Variants in PCDH9 observed in about 807,000 individuals in gnomAD.
PCDH9 encodes protocadherin-9.
Under a neutral mutation model 70.6 loss-of-function variants are expected in PCDH9, and 24 were observed. That is an observed-to-expected ratio of 0.34 (90% CI 0.25 to 0.48). The LOEUF is 0.48. PCDH9 is among the 20% of genes least tolerant of loss of function. PCDH9 has a pLI of 0.99. For missense variants in PCDH9, 1,281 were observed against 1,503.6 expected, an observed-to-expected ratio of 0.85 and a Z score of 2.45; for synonymous variants, 562 against 558.5, an observed-to-expected ratio of 1.01 and a Z score of -0.09.
At chr13:66,816,430 CT>C (rs920454762) in intron 3 of PCDH9, among the ~76,000 whole-genome samples, 3 of 151,952 alleles carry the variant, frequency 2.0e-5, no homozygotes, top group African/African-American at 7.3e-5. Flanking sequence ...ACACAAGTGG[CT>C]TTTTCTCTCT....
chr13:66,960,163 C>T (rs2083323975), intron 2 of PCDH9, among the ~76,000 whole-genome samples: 1 of 152,146 alleles, frequency 6.6e-6, no homozygotes, highest in African/African-American at 2.4e-5. Flanking sequence ...ACCTCACATT[C>T]ACTTACAAAT....
chr13:66,968,207 T>C (rs769282026), intron 2 of PCDH9, among the ~76,000 whole-genome samples: 9 of 152,082 alleles, frequency 5.9e-5, no homozygotes, highest in Non-Finnish European at 1.2e-4. Flanking sequence ...CCCAACCAAC[T>C]ATCCTTACAT....
chr13:66,774,444 A>G (rs1387784466), intron 3 of PCDH9, among the ~76,000 whole-genome samples: 1 of 135,428 alleles, frequency 7.4e-6, no homozygotes, highest in African/African-American at 2.7e-5. Flanking sequence ...TCTCCTGCTC[A>G]TCTACTAGAT....
intron 2 of PCDH9, among the ~76,000 whole-genome samples, chr13:67,113,874 C>T (rs942296532): frequency 2.0e-5 from 3 of 152,156 alleles, no homozygotes; most frequent in African/African-American, 7.2e-5. Flanking sequence ...CTGAGAAATG[C>T]AATCACTGAG....
intron 2 of PCDH9, among the ~76,000 whole-genome samples, chr13:67,176,520 TAAAC>T (rs1046649219): frequency 7.0e-6 from 1 of 143,100 alleles, no homozygotes; most frequent in African/African-American, 2.6e-5. Context: ...AAAATAAAAA[TAAAC>T]AAAAAAAAAA....
At chr13:66,329,128 AAAATAGT>A (rs2138111570) in intron 4 of PCDH9, among the ~76,000 whole-genome samples, 1 of 152,316 alleles carries the variant, frequency 6.6e-6, no homozygotes, top group South Asian at 2.1e-4. Context: ...AGGAAGACAG[AAAATAGT>A]AAGTCACATC....
intron 4 of PCDH9, among the ~76,000 whole-genome samples, chr13:66,444,033 TTATCTC>T (rs1958023900): frequency 6.6e-6 from 1 of 152,178 alleles, no homozygotes; most frequent in Non-Finnish European, 1.5e-5. Flanking sequence ...ATTCACCTGT[TTATCTC>T]TAATCCCTGG....
At chr13:67,090,945 C>A (rs1418181842) in intron 2 of PCDH9, among the ~76,000 whole-genome samples, 1 of 151,972 alleles carries the variant, frequency 6.6e-6, no homozygotes, top group Admixed American at 6.6e-5. Flanking sequence ...TATTCCAGAG[C>A]CTTAACTGAA....
At chr13:66,507,535 T>C (rs1288551503) in intron 4 of PCDH9, among the ~76,000 whole-genome samples, 1 of 152,164 alleles carries the variant, frequency 6.6e-6, no homozygotes, top group Non-Finnish European at 1.5e-5. Flanking sequence ...GATTTTTTTG[T>C]ATGTGTCATG....
At chr13:66,764,685 C>T (rs762667760) in intron 3 of PCDH9, among the ~76,000 whole-genome samples, 4 of 151,930 alleles carry the variant, frequency 2.6e-5, no homozygotes, top group Non-Finnish European at 5.9e-5. Context: ...ATGGGCAGGG[C>T]TCTTCAGCGT....
chr13:66,347,907 C>T (rs182364801), intron 4 of PCDH9, among the ~76,000 whole-genome samples: 467 of 152,306 alleles, frequency 3.1e-3, no homozygotes, highest in African/African-American at 0.011. Flanking sequence ...TACCTCCACT[C>T]GAGCTGCTAT....
In PCDH9 at chr13:66,495,225, A is replaced by G. The variant is rs1050258912; in HGVS notation, c.3340+135985T>C. 2.0e-5 allele frequency among the ~76,000 whole-genome samples: 3 copies of G among 152,332 alleles called. No individual in the cohort carries two copies. The East Asian group carries it at 5.8e-4, about 29-fold the overall frequency. Reference sequence around the variant, plus strand: ...CAAACAATTAGAGATTTTTGTTAGCATGTTTCAATATCTTCTTTGTTAGCA... The same window carrying G: ...CAAACAATTAGAGATTTTTGTTAGCGTGTTTCAATATCTTCTTTGTTAGCA... On this transcript the variant is annotated intron_variant, in intron 4 of 4. Coordinates refer to ENST00000377865, the MANE Select transcript of PCDH9 (RefSeq NM_203487.3).
chr13:66,557,861 A>C (rs192561411), intron 4 of PCDH9, among the ~76,000 whole-genome samples: 10 of 152,194 alleles, frequency 6.6e-5, no homozygotes, highest in African/African-American at 2.4e-4. Flanking sequence ...GAGACAAAGA[A>C]GAGAAGTGGG....
At chr13:66,771,632 G>C (rs1009088370) in intron 3 of PCDH9, among the ~76,000 whole-genome samples, 1 of 152,196 alleles carries the variant, frequency 6.6e-6, no homozygotes, top group Non-Finnish European at 1.5e-5. Flanking sequence ...CCTGCGGTGA[G>C]GTAAGGAGGC....
chr13:66,444,823 A>G (rs1273164151), intron 4 of PCDH9, among the ~76,000 whole-genome samples: 1 of 152,000 alleles, frequency 6.6e-6, no homozygotes, highest in Admixed American at 6.6e-5. Context: ...GGCCTCCCAA[A>G]GTGCTGGGAT....
chr13:66,348,461 G>A (rs34992306), intron 4 of PCDH9, among the ~76,000 whole-genome samples: 3 of 151,306 alleles, frequency 2.0e-5, no homozygotes, highest in East Asian at 1.9e-4. Context: ...GCAGTGGAGC[G>A]ATCTCAGCTC....
chr13:67,163,129 G>T (rs778480156), intron 2 of PCDH9, among the ~76,000 whole-genome samples: 9 of 152,212 alleles, frequency 5.9e-5, no homozygotes, highest in South Asian at 2.1e-4. Context: ...TAGAAACTCC[G>T]TGTGCATGAA....
intron 4 of PCDH9, among the ~76,000 whole-genome samples, chr13:66,578,626 G>A (rs757845265): frequency 2.0e-5 from 3 of 151,994 alleles, no homozygotes; most frequent in Non-Finnish European, 4.4e-5. Context: ...AAGAACAAAT[G>A]TACAGCACTA....
At chr13:66,775,823 G>A (rs903920802) in intron 3 of PCDH9, among the ~76,000 whole-genome samples, 8 of 152,184 alleles carry the variant, frequency 5.3e-5, no homozygotes, top group African/African-American at 1.9e-4. Context: ...TGTGTGCAAT[G>A]TTGACACCCC....
Sources: gnomAD v4.1 joint callset for allele counts (sites outside exome capture counted in the v4.1 genomes callset) on GRCh38, gnomAD v4.1.1 for gene constraint, MANE v1.5 for transcripts, NCBI Gene and HGNC (gene_info 2026-07-23, HGNC 2026-07-21) for gene names.